The following KLF8 variants were observed in gnomAD, a reference collection of about 807,000 sequenced individuals.
The protein encoded by KLF8 is KLF transcription factor 8.
In KLF8, 10 loss-of-function variants were observed where a neutral mutation model predicts 18.2. The ratio of observed to expected loss-of-function variants is 0.55; its 90% CI spans 0.34 to 0.93. The LOEUF is 0.93. Among genes scored for constraint, KLF8 ranks in the 40% least tolerant of loss-of-function variants. The pLI is 0.02. For missense variants in KLF8, 264 were observed against 277.9 expected (o/e 0.95, Z 0.36); for synonymous variants, 109 against 97.3 (o/e 1.12, Z -0.71).
the KLF8 span, among the ~76,000 whole-genome samples, chrX:56,203,649 T>C: frequency 1.2e-4 from 14 of 112,220 alleles, no homozygotes; most frequent in Non-Finnish European, 2.6e-4. Context: ...CATATGGATA[T>C]CCAGTTTTCC....
the KLF8 span, among the ~76,000 whole-genome samples, chrX:56,166,136 A>ATTT: frequency 1.1e-4 from 11 of 100,044 alleles, 1 homozygote; most frequent in East Asian, 3.1e-4. Context: ...TAAGTGCTTT[A>ATTT]TTTTTTTTTT....
chrX:55,983,353 G>T, the KLF8 span, among the ~76,000 whole-genome samples: 3 of 111,099 alleles, frequency 2.7e-5, no homozygotes, highest in African/African-American at 9.8e-5. Context: ...GAACAGAAAA[G>T]GAATAGGTTA....
the KLF8 span, among the ~76,000 whole-genome samples, chrX:55,945,393 G>T: frequency 8.1e-5 from 9 of 111,005 alleles, no homozygotes; most frequent in Non-Finnish European, 1.7e-4. Flanking sequence ...CCTTGTTAAC[G>T]TTCTGTCTCA....
At chrX:56,264,293 CTATTAGTTTTTTAAACTAATAAATGTATT>C (rs1569185028) in intron 2 of KLF8, among the ~76,000 whole-genome samples, 1 of 107,554 alleles carries the variant, frequency 9.3e-6, no homozygotes, top group East Asian at 2.8e-4. Context: ...TTATTAAAAA[CTATTAGTTTTTTAAACTAATAAATGTATT>C]TATTAGTTTT....
At chrX:56,170,749 AG>A in the KLF8 span, among the ~76,000 whole-genome samples, 1,335 of 111,726 alleles carry the variant, frequency 0.012, 10 homozygotes, top group African/African-American at 0.041. Context: ...GTAGAGAGAT[AG>A]GGGTAGAAAG....
the KLF8 span, among the ~76,000 whole-genome samples, chrX:56,066,228 G>A: frequency 8.9e-6 from 1 of 112,095 alleles, no homozygotes; most frequent in Non-Finnish European, 1.9e-5. Context: ...CTGCAGTCGT[G>A]GCATGTTGGG....
intron 5 of KLF8, among the ~76,000 whole-genome samples, chrX:56,273,551 T>G (rs1393331515): frequency 9.1e-6 from 1 of 110,447 alleles, no homozygotes; most frequent in Non-Finnish European, 1.9e-5. Context: ...TATTTTAATT[T>G]TTAGCTACCA....
the KLF8 span, among the ~76,000 whole-genome samples, chrX:56,064,753 G>A: frequency 5.1e-3 from 572 of 111,198 alleles, 15 homozygotes; most frequent in Non-Finnish European, 6.7e-3. Flanking sequence ...CCAGGTGTAC[G>A]ACTTTCTTAA....
the KLF8 span, among the ~76,000 whole-genome samples, chrX:55,912,477 T>C: frequency 9.0e-6 from 1 of 111,537 alleles, no homozygotes; most frequent in African/African-American, 3.3e-5. Flanking sequence ...TTAAATTATA[T>C]GCATTATTTC....
At chrX:56,222,811 T>C in the KLF8 span, among the ~76,000 whole-genome samples, 1,951 of 113,071 alleles carry the variant, frequency 0.017, 37 homozygotes, top group African/African-American at 0.06. Context: ...AGCCCCTCAC[T>C]GCCCGGGGCT....
chrX:56,144,622 G>A, the KLF8 span, among the ~76,000 whole-genome samples: 53 of 105,655 alleles, frequency 5.0e-4, no homozygotes, highest in African/African-American at 1.8e-3. Flanking sequence ...CCATGGTGGC[G>A]GGAGCCTGTA....
the KLF8 span, among the ~76,000 whole-genome samples, chrX:56,090,173 C>G: frequency 8.9e-6 from 1 of 111,944 alleles, no homozygotes; most frequent in Non-Finnish European, 1.9e-5. Context: ...CTTTCTCAGC[C>G]TTATATGCTG....
At chrX:56,235,578 G>A (rs1000731328) in intron 1 of KLF8, among the ~76,000 whole-genome samples, 1 of 109,456 alleles carries the variant, frequency 9.1e-6, no homozygotes, top group African/African-American at 3.3e-5. Context: ...CACCATACCT[G>A]GCTAATTTTG....
At chrX:56,076,164 A>C in the KLF8 span, among the ~76,000 whole-genome samples, 1 of 105,813 alleles carries the variant, frequency 9.5e-6, no homozygotes, top group Non-Finnish European at 1.9e-5. Flanking sequence ...TTATACTTGA[A>C]GTTTTACGGT....
At chrX:56,037,917 A>G in the KLF8 span, among the ~76,000 whole-genome samples, 5 of 111,712 alleles carry the variant, frequency 4.5e-5, no homozygotes, top group African/African-American at 1.6e-4. Context: ...GGTCTTATTT[A>G]TTTCTTCTAA....
the KLF8 span, among the ~76,000 whole-genome samples, chrX:56,137,608 G>A: frequency 2.5e-5 from 2 of 80,339 alleles, no homozygotes; most frequent in Non-Finnish European, 4.5e-5. Flanking sequence ...ACTGTTGGGT[G>A]GGGGGAGGGG....
chrX:55,971,782 C>G, the KLF8 span, among the ~76,000 whole-genome samples: 1 of 111,242 alleles, frequency 9.0e-6, no homozygotes, highest in African/African-American at 3.3e-5. Context: ...AGAAGACATA[C>G]AAATGACAGA....
At chrX:56,034,225 C>T in the KLF8 span, among the ~76,000 whole-genome samples, 806 of 112,059 alleles carry the variant, frequency 7.2e-3, 8 homozygotes, top group African/African-American at 0.025. Flanking sequence ...TTTCATTCTT[C>T]GGCATATGGA....
the KLF8 span, among the ~76,000 whole-genome samples, chrX:55,968,798 C>T: frequency 1.4e-4 from 16 of 111,944 alleles, no homozygotes; most frequent in African/African-American, 4.9e-4. Context: ...AACCTCTTTC[C>T]TTTATAAATT....
Sources: gnomAD v4.1 joint callset for allele counts (sites outside exome capture counted in the v4.1 genomes callset) on GRCh38, gnomAD v4.1.1 for gene constraint, MANE v1.5 for transcripts, NCBI Gene and HGNC (gene_info 2026-07-23, HGNC 2026-07-21) for gene names.